LRRFIP2: variants seen among roughly 807,000 people sequenced by gnomAD.
LRRFIP2 encodes the protein leucine-rich repeat flightless-interacting protein 2.
Under a neutral mutation model 125.9 loss-of-function variants are expected in LRRFIP2, and 109 were observed. The observed-to-expected ratio is 0.87, with a 90% CI of 0.74 to 1.01. The LOEUF is 1.01. Among genes scored for constraint, LRRFIP2 ranks in the 50% least tolerant of loss-of-function variants. The pLI is 0.00. For synonymous variants in LRRFIP2, 291 were observed against 293.1 expected, an observed-to-expected ratio of 0.99 and a Z score of 0.07; for missense variants, 850 against 862.3, an observed-to-expected ratio of 0.99 and a Z score of 0.18.
Position 37,094,775 on chromosome 3 carries a change from C to A in LRRFIP2, c.1035+17G>T, listed in dbSNP as rs1382640498. On this transcript the variant is annotated intron_variant, in intron 17 of 27. Coordinates refer to ENST00000336686, the MANE Select transcript of LRRFIP2 (RefSeq NM_006309.4). The stretch of plus-strand genomic sequence containing the variant: ...AAAAAACTGCTTTTAAAAAGAAAAC[C>A]AAAAACTTCAGTTTACCCGCAATTC... 6.3e-7 allele frequency: 1 copy of A among 1,580,270 alleles called. No individual in the cohort carries two copies. Among genetic ancestry groups the A allele is most frequent in the South Asian group, 1.1e-5 (1 of 89,734 alleles).
At chr3:37,147,365 T>C (rs759012664) in intron 2 of LRRFIP2, among the ~76,000 whole-genome samples, 1 of 152,160 alleles carries the variant, frequency 6.6e-6, no homozygotes, top group African/African-American at 2.4e-5. Flanking sequence ...TGAAGGAATA[T>C]AAATCATTCT....
intron 20 of LRRFIP2, among the ~76,000 whole-genome samples, chr3:37,073,571 A>T (rs1196579484): frequency 6.6e-6 from 1 of 152,166 alleles, no homozygotes; most frequent in Non-Finnish European, 1.5e-5. Flanking sequence ...AAGACCAAAA[A>T]ACATTATTTG....
chr3:37,093,421 CAA>C (rs2093570288), intron 17 of LRRFIP2, among the ~76,000 whole-genome samples: 1 of 152,112 alleles, frequency 6.6e-6, no homozygotes, highest in African/African-American at 2.4e-5. Flanking sequence ...TCAACCCAAC[CAA>C]AGAAAATAAT....
Position 37,109,464 on chromosome 3 carries a change from A to G in LRRFIP2, c.609+63T>C. The G allele has an allele frequency of 1.3e-6, 2 of 1,550,406 alleles. 1 individual carries two copies. The highest frequency in any genetic ancestry group is 3.4e-4 in the Middle Eastern group (2 of 5,842). The stretch of plus-strand genomic sequence containing the variant: ...TTTTGGAGAAAAGCTGTCAAGCCAT[A>G]GAGTTAGCACCATGACATTGACCCC... On this transcript the variant is annotated intron_variant, in intron 11 of 27. Transcript: ENST00000336686.
In LRRFIP2 at chr3:37,066,204, C is replaced by T; in HGVS notation, c.1566+20G>A. 1 of 1,601,304 alleles carries T rather than the reference C, an allele frequency of 6.2e-7. No homozygotes were observed. The highest frequency in any genetic ancestry group is 1.1e-5 in the South Asian group (1 of 90,854). Reference sequence around the variant, plus strand: ...AGTAAAACAGTGAGGGACCTGAATTCCAGGCTAATGCTAACATACCTCTCC... The same window carrying T: ...AGTAAAACAGTGAGGGACCTGAATTTCAGGCTAATGCTAACATACCTCTCC... On this transcript the variant is annotated intron_variant, in intron 22 of 27. Coordinates refer to ENST00000336686, the MANE Select transcript of LRRFIP2 (RefSeq NM_006309.4).
At chr3:37,116,213 C>T (rs2094777516) in intron 6 of LRRFIP2, among the ~76,000 whole-genome samples, 1 of 152,148 alleles carries the variant, frequency 6.6e-6, no homozygotes, top group African/African-American at 2.4e-5. Flanking sequence ...CAACATCGAA[C>T]TCCTGGGTTC....
chr3:37,148,449 G>T (rs562617693), intron 2 of LRRFIP2, among the ~76,000 whole-genome samples: 7 of 152,200 alleles, frequency 4.6e-5, no homozygotes, highest in Non-Finnish European at 8.8e-5. Flanking sequence ...AGTAGCTGCG[G>T]AAACGAACTG....
intron 24 of LRRFIP2, among the ~76,000 whole-genome samples, chr3:37,061,497 C>T (rs1368894687): frequency 6.6e-6 from 1 of 151,740 alleles, no homozygotes; most frequent in Non-Finnish European, 1.5e-5. Flanking sequence ...CCTCCACCTC[C>T]CTCCTGCCTC....
chr3:37,163,093 G>A lies in LRRFIP2; in HGVS notation c.-56+11446C>T, dbSNP rs144252716. On this transcript the variant is annotated intron_variant, in intron 1 of 27. Transcript: ENST00000336686. ...TTTTGCCAGATTCCCTGACTGTGGG[G>A]AGCCTGTGTTTCTCCAGACTCAATA... Among the ~76,000 whole-genome samples, 11 of 152,266 alleles carry A rather than the reference G, an allele frequency of 7.2e-5. No homozygotes were observed. In the South Asian group the frequency reaches 1.5e-3, roughly 20 times the overall value.
At chr3:37,169,225 G>A (rs182967018) in intron 1 of LRRFIP2, among the ~76,000 whole-genome samples, 6 of 152,272 alleles carry the variant, frequency 3.9e-5, no homozygotes, top group Non-Finnish European at 7.3e-5. Context: ...ACAAATGACT[G>A]TATTTTACCA....
chr3:37,089,022 T>C (rs1034948637), intron 18 of LRRFIP2, among the ~76,000 whole-genome samples: 10 of 152,104 alleles, frequency 6.6e-5, no homozygotes, highest in Non-Finnish European at 1.3e-4. Context: ...TGACTTCATA[T>C]ATATTTTTAA....
intron 24 of LRRFIP2, 127 bp downstream of exon 24, chr3:37,063,615 C>T (rs75838414): frequency 0.03 from 22,344 of 737,354 alleles, 482 homozygotes; most frequent in African/African-American, 0.077. Context: ...ATTATCTATC[C>T]TTCATATCTC....
At chr3:37,111,234 T>C (rs1312817365) in intron 8 of LRRFIP2, among the ~76,000 whole-genome samples, 169 bp from the exon 9 acceptor site, 2 of 152,222 alleles carry the variant, frequency 1.3e-5, no homozygotes, top group East Asian at 1.9e-4. Flanking sequence ...TGACAATTAT[T>C]TCAAGCCCCT....
intron 24 of LRRFIP2, among the ~76,000 whole-genome samples, chr3:37,062,733 C>G (rs1248539775): frequency 6.6e-6 from 1 of 152,118 alleles, no homozygotes; most frequent in African/African-American, 2.4e-5. Flanking sequence ...TCTACCCAGC[C>G]AAACTATTTT....
At chr3:37,115,477 A>G (rs1177760396) in intron 6 of LRRFIP2, among the ~76,000 whole-genome samples, 3 of 152,242 alleles carry the variant, frequency 2.0e-5, no homozygotes, top group African/African-American at 4.8e-5. Context: ...CACTTTTAAC[A>G]TCATTTCCTA....
In LRRFIP2 at chr3:37,119,716, G is replaced by A. The variant is rs774473644; in HGVS notation, c.330+1776C>T. 5.3e-5 allele frequency among the ~76,000 whole-genome samples: 8 copies of A among 151,992 alleles called. No homozygotes were observed. The East Asian group carries it at 5.8e-4, about 11-fold the overall frequency. Reference sequence around the variant, plus strand: ...CACTCTGTCACCCAGGCTGGAGTGCGGTGGCACGATCTCAGCTCACTGCAA... The same window carrying A: ...CACTCTGTCACCCAGGCTGGAGTGCAGTGGCACGATCTCAGCTCACTGCAA... On this transcript the variant is annotated intron_variant, in intron 6 of 27. Coordinates refer to ENST00000336686, the MANE Select transcript of LRRFIP2 (RefSeq NM_006309.4).
chr3:37,075,236 T>C (rs536175272), intron 19 of LRRFIP2, 120 bp from the exon 20 acceptor site: 2 of 527,278 alleles, frequency 3.8e-6, no homozygotes, highest in South Asian at 7.5e-5. Flanking sequence ...TCCTGATTCA[T>C]AGTAACTTAG....
intron 1 of LRRFIP2, among the ~76,000 whole-genome samples, chr3:37,150,158 T>C (rs775116182): frequency 1.3e-5 from 2 of 152,008 alleles, no homozygotes; most frequent in Non-Finnish European, 1.5e-5. Context: ...AAAACTGATA[T>C]AGTCAAATGA....
chr3:37,079,536 A>T (rs2092438717), intron 19 of LRRFIP2, among the ~76,000 whole-genome samples: 1 of 152,160 alleles, frequency 6.6e-6, no homozygotes, highest in Non-Finnish European at 1.5e-5. Context: ...TGAGGCCAGG[A>T]GTTACCAGCC....
Sources: gnomAD v4.1 joint callset for allele counts (sites outside exome capture counted in the v4.1 genomes callset) on GRCh38, gnomAD v4.1.1 for gene constraint, MANE v1.5 for transcripts, NCBI Gene and HGNC (gene_info 2026-07-23, HGNC 2026-07-21) for gene names.